Variants in GLMN observed in about 807,000 individuals in gnomAD.
GLMN encodes the protein glomulin, FKBP associated protein, also known as glomulin.
GLMN carries 75 observed loss-of-function variants against 87.8 expected under a neutral mutation model. That is an observed-to-expected ratio of 0.85 (90% confidence interval 0.71 to 1.04). The LOEUF is 1.04. Among genes scored for constraint, GLMN ranks in the 50% least tolerant of loss-of-function variants. The probability of loss-of-function intolerance (pLI) is 0.00; values close to 1 mark genes in which losing one functional copy is unlikely to be tolerated. For missense variants in GLMN, 588 were observed against 658.8 expected (o/e 0.89, Z 1.18); for synonymous variants, 206 against 221.6 (o/e 0.93, Z 0.63).
chr1:92,324,342 T>C, the GLMN span: 4 of 1,613,728 alleles, frequency 2.5e-6, no homozygotes, highest in Non-Finnish European at 3.4e-6. Flanking sequence ...ATGTTTTGGG[T>C]GAAGAAACCA....
chr1:92,298,982 T>A lies in GLMN; in HGVS notation c.-88A>T. The stretch of plus-strand genomic sequence containing the variant: ...CACCTCCTCCGGCGTCTTAGCCCGC[T>A]CTTCTGGCCCCGCCCCGCGCTACGC... On this transcript the variant is annotated 5_prime_UTR_variant, in exon 1 of 19. Transcript: ENST00000370360. 1.7e-6 allele frequency: 1 copy of A among 574,508 alleles called. No individual in the cohort carries two copies. The highest frequency in any genetic ancestry group is 3.0e-6 in the Non-Finnish European group (1 of 337,796). The allele number at this position is 574,508 out of a possible 1,614,324, so 35.6% of individuals were successfully genotyped here. A position where few individuals can be genotyped will look rare whatever the true frequency, so the allele number is the denominator to read the frequency against.
At chr1:92,252,326 T>G (rs1469213520) in intron 16 of GLMN, among the ~76,000 whole-genome samples, 2 of 152,114 alleles carry the variant, frequency 1.3e-5, no homozygotes, top group East Asian at 3.9e-4. Flanking sequence ...TACAGGAGGT[T>G]GTTATTGCAA....
intron 16 of GLMN, among the ~76,000 whole-genome samples, chr1:92,248,678 T>G (rs1653013830): frequency 6.6e-6 from 1 of 152,194 alleles, no homozygotes; most frequent in South Asian, 2.1e-4. Flanking sequence ...GGACCCAATT[T>G]ATTCTTAACT....
chr1:92,339,332 G>GC, the GLMN span, among the ~76,000 whole-genome samples: 4,650 of 37,666 alleles, frequency 0.12, 194 homozygotes, highest in African/African-American at 0.27. Flanking sequence ...CCCCACAACC[G>GC]CCCCCCAATC....
chr1:92,345,894 T>C, the GLMN span: 39 of 1,604,876 alleles, frequency 2.4e-5, no homozygotes, highest in Non-Finnish European at 3.2e-5. Flanking sequence ...GGACTTTAAT[T>C]GCTATGGTGT....
At chr1:92,295,847 G>A (rs1649984801) in intron 3 of GLMN, among the ~76,000 whole-genome samples, 1 of 152,070 alleles carries the variant, frequency 6.6e-6, no homozygotes, top group Non-Finnish European at 1.5e-5. Context: ...GACAGCATCT[G>A]GTACATGTAA....
At chr1:92,309,568 CACATAT>C in the GLMN span, among the ~76,000 whole-genome samples, 27 of 8,244 alleles carry the variant, frequency 3.3e-3, no homozygotes, top group South Asian at 0.026. Context: ...CATACACATA[CACATAT>C]ACATATACAT....
chr1:92,305,432 C>CAAAAAAAAAAAAAAAAAAAAAAAAAA, the GLMN span, among the ~76,000 whole-genome samples: 45 of 52,668 alleles, frequency 8.5e-4, 1 homozygote, highest in African/African-American at 1.2e-3. Context: ...GGCTCCGTCT[C>CAAAAAAAAAAAAAAAAAAAAAAAAAA]AAAAAAAAAA....
chr1:92,258,090 G>A (rs1557515611), intron 16 of GLMN, among the ~76,000 whole-genome samples: 1 of 152,018 alleles, frequency 6.6e-6, no homozygotes, highest in Non-Finnish European at 1.5e-5. Flanking sequence ...ATCAAAAAGT[G>A]GGCAAAGGAT....
the GLMN span, among the ~76,000 whole-genome samples, chr1:92,332,524 G>A: frequency 3.3e-5 from 5 of 151,952 alleles, no homozygotes; most frequent in Non-Finnish European, 7.4e-5. Context: ...AGAGATAACT[G>A]GAGACTCAGG....
At position 92,248,610 on chromosome 1, in the gene GLMN, C is replaced by A. The variant is rs531497368; in HGVS notation, c.1474-621G>T. ...GAGAAAAGAAAATCCATTGGTACTT[C>A]CAGTTTCCAAGTACTCTTTACAAAG... On this transcript the variant is annotated intron_variant, in intron 16 of 18. Coordinates refer to ENST00000370360, the MANE Select transcript of GLMN (RefSeq NM_053274.3). 3.3e-5 allele frequency among the ~76,000 whole-genome samples: 5 copies of A among 152,252 alleles called. No homozygotes were observed. The East Asian group carries it at 7.7e-4, about 23-fold the overall frequency.
chr1:92,264,694 A>G, intron 13 of GLMN, 56 bp from the exon 14 acceptor site: 2 of 953,886 alleles, frequency 2.1e-6, no homozygotes, highest in Non-Finnish European at 3.4e-6. Context: ...TTAGAATTAA[A>G]TGGTGATAAA....
At chr1:92,341,961 C>A in the GLMN span, among the ~76,000 whole-genome samples, 3 of 152,154 alleles carry the variant, frequency 2.0e-5, no homozygotes, top group Non-Finnish European at 4.4e-5. Flanking sequence ...AAATTTTATT[C>A]TTTTGTCATT....
At chr1:92,251,491 T>A (rs1219418421) in intron 16 of GLMN, among the ~76,000 whole-genome samples, 1 of 152,130 alleles carries the variant, frequency 6.6e-6, no homozygotes. Context: ...CCTAAAACTA[T>A]ACAATTTCTA....
At chr1:92,306,129 G>T in the GLMN span, among the ~76,000 whole-genome samples, 1 of 152,158 alleles carries the variant, frequency 6.6e-6, no homozygotes, top group Admixed American at 6.5e-5. Flanking sequence ...CAGCACAAAA[G>T]GACAAATACT....
intron 7 of GLMN, among the ~76,000 whole-genome samples, chr1:92,275,856 G>A (rs1647245341): frequency 1.3e-5 from 2 of 152,008 alleles, no homozygotes; most frequent in African/African-American, 4.8e-5. Flanking sequence ...TTAAGTGCTG[G>A]TACTCTCTAG....
chr1:92,281,772 A>C (rs12749317), intron 7 of GLMN, among the ~76,000 whole-genome samples: 40,164 of 151,706 alleles, frequency 0.26, 6,538 homozygotes, highest in Non-Finnish European at 0.35. Context: ...GGGGTGGAGA[A>C]AGATCTACCA....
intron 3 of GLMN, among the ~76,000 whole-genome samples, chr1:92,297,038 C>T (rs1010111442): frequency 6.6e-6 from 1 of 151,958 alleles, no homozygotes; most frequent in South Asian, 2.1e-4. Context: ...ATTTATTTTG[C>T]CTCATTATTG....
intron 16 of GLMN, among the ~76,000 whole-genome samples, chr1:92,255,315 T>A (rs913115281): frequency 2.6e-4 from 40 of 152,254 alleles, no homozygotes; most frequent in African/African-American, 9.1e-4. Context: ...AGTGGGAGAC[T>A]TTAAGACTCC....
Sources: gnomAD v4.1 joint callset for allele counts (sites outside exome capture counted in the v4.1 genomes callset) on GRCh38, gnomAD v4.1.1 for gene constraint, MANE v1.5 for transcripts, NCBI Gene and HGNC (gene_info 2026-07-23, HGNC 2026-07-21) for gene names.